The following TINAG variants were observed in gnomAD, a reference collection of about 807,000 sequenced individuals.
TINAG encodes tubulointerstitial nephritis antigen.
A neutral mutation model predicts 72.7 loss-of-function variants in TINAG; 83 were observed. The ratio of observed to expected loss-of-function variants is 1.14; its 90% CI spans 0.96 to 1.37. The LOEUF is 1.37. Among genes scored for constraint, TINAG ranks in the 40% most tolerant of loss-of-function variants. The pLI, the probability that TINAG is intolerant of heterozygous loss-of-function variation, is 0.00. For synonymous variants in TINAG, 234 were observed against 189.9 expected (o/e 1.23, Z -1.91); for missense variants, 685 against 576.6 (o/e 1.19, Z -1.93).
At chr6:54,329,727 C>T (rs188474850) in intron 4 of TINAG, among the ~76,000 whole-genome samples, 648 of 151,886 alleles carry the variant, frequency 4.3e-3, no homozygotes, top group African/African-American at 0.014. Context: ...TTCAGGAGAC[C>T]CATCTCACAT....
intron 9 of TINAG, among the ~76,000 whole-genome samples, chr6:54,376,771 T>TA (rs1763795435): frequency 2.0e-5 from 3 of 152,192 alleles, no homozygotes; most frequent in African/African-American, 7.2e-5. Flanking sequence ...AGGAACTTTA[T>TA]GGTCTTTCCA....
At position 54,361,106 on chromosome 6, in the gene TINAG, G is replaced by T. The variant is rs561286111; in HGVS notation, c.1250+6470G>T. On this transcript the variant is annotated intron_variant, in intron 9 of 10. Transcript: ENST00000259782. ...CCCATATAAGATGGCAAACTTGATT[G>T]TTAAATATTGTGTATGTTCTAACTC... Among the ~76,000 whole-genome samples, 5 of 151,022 alleles carry T rather than the reference G, an allele frequency of 3.3e-5. No homozygotes were observed. The South Asian group carries it at 1.0e-3, about 31-fold the overall frequency.
chr6:54,347,222 A>T (rs1196342078), intron 5 of TINAG, 145 bp from the exon 6 acceptor site: 2 of 782,766 alleles, frequency 2.6e-6, no homozygotes, highest in Non-Finnish European at 3.9e-6. Flanking sequence ...TCTGGAATAC[A>T]TAAATATATT....
chr6:54,339,483 T>A (rs963894942), intron 4 of TINAG, among the ~76,000 whole-genome samples: 1 of 152,194 alleles, frequency 6.6e-6, no homozygotes, highest in Non-Finnish European at 1.5e-5. Context: ...TAAGGAAAGA[T>A]CTCAGAAGCT....
rs1208490095 is a variant in TINAG at position 54,351,387 on chromosome 6, A to G, written c.1116A>G (p.Gly372=). 1 of 1,610,398 alleles carries G rather than the reference A, an allele frequency of 6.2e-7. No homozygotes were observed. The highest frequency in any genetic ancestry group is 8.5e-7 in the Non-Finnish European group (1 of 1,177,840). Residue 372 remains glycine, a synonymous_variant, in exon 8 of 11, where the codon GGA becomes GGG. Coordinates refer to ENST00000259782, the MANE Select transcript of TINAG (RefSeq NM_014464.4). The part of the protein sequence containing the change: ...TEIMKEIMQN[G]PVQAIMQVRE... ...TAATGAAAGAAATCATGCAAAATGG[A>G]CCAGTTCAAGGTAAGCTTGAATGAA...
intron 4 of TINAG, 29 bp downstream of exon 4, chr6:54,326,945 G>A: frequency 5.6e-6 from 9 of 1,612,860 alleles, no homozygotes; most frequent in Non-Finnish European, 7.6e-6. Context: ...TCACGTATGT[G>A]CATGTATTTG....
rs3736352 is a variant in TINAG, at chr6:54,389,791, A to C, written c.1297A>C (p.Ile433Leu). 71,408 of 1,574,976 alleles carry C rather than the reference A, an allele frequency of 0.045. 3,178 individuals carry two copies. Among genetic ancestry groups the C allele is most frequent in the East Asian group, 0.27 (11,917 of 43,840 alleles). ...TTTTTGTTTGTTTGTTTTTCTGCAG[A>C]TTGCTGCCAATTCCTGGGGAAAGTC... is the stretch of plus-strand genomic sequence containing the variant. Reference protein sequence around the residue: ...GAQGQKEKFWIAANSWGKSWG... With the variant: ...GAQGQKEKFWLAANSWGKSWG... The change falls in exon 11 of 11, where the codon ATT becomes CTT. Residue 433 changes from isoleucine (I) to leucine (L), a missense_variant and splice_region_variant. Physicochemically the swap from Ile to Leu is conservative, Grantham distance 5. Coordinates refer to ENST00000259782, the MANE Select transcript of TINAG (RefSeq NM_014464.4).
chr6:54,332,827 A>G (rs1190149336), intron 4 of TINAG, among the ~76,000 whole-genome samples: 2 of 152,226 alleles, frequency 1.3e-5, no homozygotes, highest in Admixed American at 6.5e-5. Context: ...GACACTTCTC[A>G]AAAGAAGACA....
At chr6:54,382,374 T>C (rs1454400747) in intron 10 of TINAG, among the ~76,000 whole-genome samples, 1 of 152,102 alleles carries the variant, frequency 6.6e-6, no homozygotes, top group African/African-American at 2.4e-5. Flanking sequence ...TTTTGATTGG[T>C]ACATAGTGAG....
At chr6:54,335,763 C>T (rs1288349401) in intron 4 of TINAG, among the ~76,000 whole-genome samples, 4 of 152,120 alleles carry the variant, frequency 2.6e-5, no homozygotes, top group African/African-American at 9.7e-5. Flanking sequence ...GAATTCTTCT[C>T]GATTAGTGGT....
At chr6:54,314,676 T>G (rs1784332236) in intron 1 of TINAG, among the ~76,000 whole-genome samples, 3 of 152,178 alleles carry the variant, frequency 2.0e-5, no homozygotes, top group African/African-American at 7.2e-5. Flanking sequence ...AATTTAATAT[T>G]TTTTTGAGTC....
intron 3 of TINAG, among the ~76,000 whole-genome samples, chr6:54,326,412 C>T (rs1216754949): frequency 6.6e-6 from 1 of 151,808 alleles, no homozygotes; most frequent in Non-Finnish European, 1.5e-5. Context: ...CTTTTCAAAT[C>T]TAAATTTTAA....
At chr6:54,353,453 A>G (rs748074830) in intron 8 of TINAG, among the ~76,000 whole-genome samples, 1 of 151,906 alleles carries the variant, frequency 6.6e-6, no homozygotes, top group Non-Finnish European at 1.5e-5. Context: ...CTTTGTGTAC[A>G]TTCTTCTAAA....
chr6:54,309,472 A>G (rs945582971), intron 1 of TINAG, among the ~76,000 whole-genome samples: 3 of 152,152 alleles, frequency 2.0e-5, no homozygotes, highest in African/African-American at 7.2e-5. Context: ...GTTTTGCTTC[A>G]TTTGTTTTTC....
chr6:54,377,375 A>C (rs913670284), intron 9 of TINAG, among the ~76,000 whole-genome samples: 1 of 151,932 alleles, frequency 6.6e-6, no homozygotes, highest in African/African-American at 2.4e-5. Context: ...AGCTGAGCAC[A>C]GTGGCACATG....
chr6:54,335,292 C>T (rs1784833566), intron 4 of TINAG, among the ~76,000 whole-genome samples: 1 of 152,108 alleles, frequency 6.6e-6, no homozygotes, highest in South Asian at 2.1e-4. Context: ...GCATAAAAGT[C>T]ACTCTGGTGA....
intron 4 of TINAG, among the ~76,000 whole-genome samples, chr6:54,330,689 CA>C (rs1294546905): frequency 1.3e-5 from 2 of 151,996 alleles, no homozygotes; most frequent in Non-Finnish European, 2.9e-5. Context: ...AAAAGATTAA[CA>C]AAACAGATAG....
intron 1 of TINAG, among the ~76,000 whole-genome samples, chr6:54,314,127 A>G (rs1440206831): frequency 6.6e-6 from 1 of 152,204 alleles, no homozygotes; most frequent in East Asian, 1.9e-4. Context: ...GTATATTAAA[A>G]TGGTTAAATG....
At chr6:54,357,999 A>T (rs966488242) in intron 9 of TINAG, among the ~76,000 whole-genome samples, 9 of 151,676 alleles carry the variant, frequency 5.9e-5, no homozygotes, top group African/African-American at 2.2e-4. Flanking sequence ...CAACTTTCTG[A>T]TCTCAACTCC....
Sources: allele counts gnomAD v4.1 joint callset (sites outside exome capture counted in the v4.1 genomes callset), GRCh38; gene constraint gnomAD v4.1.1; transcripts MANE v1.5; gene names NCBI Gene and HGNC (gene_info 2026-07-23, HGNC 2026-07-21).